The following KIAA0825 variants were observed in gnomAD, a reference collection of about 807,000 sequenced individuals.
The protein encoded by KIAA0825 is KIAA0825.
Under a neutral mutation model 147.6 loss-of-function variants are expected in KIAA0825, and 119 were observed. That is an observed-to-expected ratio of 0.81 (90% confidence interval 0.69 to 0.94). The LOEUF (loss-of-function observed/expected upper bound fraction) is 0.94, where lower values mean the gene tolerates loss of function less well. KIAA0825 is among the 40% of genes least tolerant of loss of function. The pLI, the probability that KIAA0825 is intolerant of heterozygous loss-of-function variation, is 0.00. For synonymous variants in KIAA0825, 470 were observed against 518.1 expected (o/e 0.91, Z 1.26); for missense variants, 1,381 against 1,472.7 (o/e 0.94, Z 1.02).
intron 20 of KIAA0825, among the ~76,000 whole-genome samples, chr5:94,355,507 G>A (rs1490246120): frequency 6.6e-6 from 1 of 152,090 alleles, no homozygotes; most frequent in Non-Finnish European, 1.5e-5. Context: ...TGGTTTGCAG[G>A]CCATGATTCC....
chr5:94,560,472 A>G (rs1777351282), intron 2 of KIAA0825, among the ~76,000 whole-genome samples: 1 of 152,210 alleles, frequency 6.6e-6, no homozygotes, highest in Non-Finnish European at 1.5e-5. Context: ...GCAAACTATG[A>G]CATGGCTTGC....
chr5:94,495,922 G>C (rs1485019044), intron 5 of KIAA0825, among the ~76,000 whole-genome samples: 1 of 152,140 alleles, frequency 6.6e-6, no homozygotes, highest in East Asian at 1.9e-4. Flanking sequence ...AGACTTATTT[G>C]ATTTTTATAT....
chr5:94,417,360 C>T lies in KIAA0825; in HGVS notation c.2503G>A (p.Val835Ile), dbSNP rs1452242444. 1.3e-6 allele frequency: 2 copies of T among 1,542,572 alleles called. No individual in the cohort carries two copies. The highest frequency in any genetic ancestry group is 3.9e-5 in the Admixed American group (2 of 50,718). The change falls in exon 15 of 21, where the codon GTT becomes ATT. Residue 835 changes from valine (V) to isoleucine (I), a missense_variant. Val to Ile is a conservative substitution (Grantham distance 29). Coordinates refer to ENST00000682413, the MANE Select transcript of KIAA0825 (RefSeq NM_001145678.3). Reference sequence around the variant, plus strand: ...TTCAGGTTATTTTCTGTGTCGGAAACTTGTTCTTGAAAGGTACGTTCTTGA... The same window carrying T: ...TTCAGGTTATTTTCTGTGTCGGAAATTTGTTCTTGAAAGGTACGTTCTTGA... Reference protein sequence around the residue: ...LRILLKSSKQVSDTENNLNQG... With the variant: ...LRILLKSSKQISDTENNLNQG...
chr5:94,377,012 A>G (rs1303779517), intron 20 of KIAA0825, among the ~76,000 whole-genome samples: 1 of 151,724 alleles, frequency 6.6e-6, no homozygotes, highest in African/African-American at 2.4e-5. Context: ...CAGAGACAAT[A>G]TTTTCTGCCC....
chr5:94,363,725 A>G (rs1176238912), intron 20 of KIAA0825, among the ~76,000 whole-genome samples: 1 of 152,046 alleles, frequency 6.6e-6, no homozygotes, highest in East Asian at 1.9e-4. Flanking sequence ...AAAACTAACC[A>G]GGCATGGTGG....
At chr5:94,237,043 A>ATG (rs36021428) in intron 20 of KIAA0825, among the ~76,000 whole-genome samples, 23,582 of 147,432 alleles carry the variant, frequency 0.16, 1,928 homozygotes, top group Non-Finnish European at 0.2. Context: ...AATAGGCTAT[A>ATG]TGTGTGTGTG....
At chr5:94,603,312 A>G (rs1170299778) in intron 1 of KIAA0825, among the ~76,000 whole-genome samples, 4 of 152,192 alleles carry the variant, frequency 2.6e-5, no homozygotes, top group South Asian at 2.1e-4. Flanking sequence ...AGAATTTTGT[A>G]TCCGGCCAAA....
chr5:94,417,214 T>C lies in KIAA0825; in HGVS notation c.2649A>G (p.Leu883=), dbSNP rs374504963. The C allele has an allele frequency of 1.7e-4, 271 of 1,550,810 alleles. 1 individual carries two copies. Among genetic ancestry groups the C allele is most frequent in the Middle Eastern group, 1.5e-3 (9 of 5,978 alleles). The stretch of plus-strand genomic sequence containing the variant: ...AATGTCTCATACCTGGGATGTTATA[T>C]AAAAAGTCCCATAATTGCTCTTCTT... ...YMEEEQLWDF[L]YNIPVSTCVE... is the part of the protein sequence containing the mutation. Residue 883 remains leucine, a synonymous_variant, in exon 15 of 21, where the codon TTA becomes TTG. Coordinates refer to ENST00000682413, the MANE Select transcript of KIAA0825 (RefSeq NM_001145678.3).
intron 1 of KIAA0825, among the ~76,000 whole-genome samples, chr5:94,605,116 A>G (rs2132547): frequency 0.36 from 54,310 of 151,970 alleles, 10,400 homozygotes; most frequent in African/African-American, 0.46. Context: ...AAAAACAACC[A>G]TCAGAGAATA....
chr5:94,529,508 G>C (rs1225566919), intron 3 of KIAA0825, among the ~76,000 whole-genome samples: 1 of 150,522 alleles, frequency 6.6e-6, no homozygotes, highest in East Asian at 1.9e-4. Flanking sequence ...TCTGACCACA[G>C]AATGTACATA....
chr5:94,540,002 A>AC (rs1772962136), intron 2 of KIAA0825, among the ~76,000 whole-genome samples: 1 of 152,086 alleles, frequency 6.6e-6, no homozygotes, highest in Non-Finnish European at 1.5e-5. Flanking sequence ...AGCTGATGGA[A>AC]CTGCTGGAAA....
intron 1 of KIAA0825, chr5:94,593,254 G>C (rs145121896): frequency 1.3e-6 from 1 of 764,438 alleles, no homozygotes; most frequent in African/African-American, 1.7e-5. Context: ...CTCTTGCTTA[G>C]CAGATCAGCA....
chr5:94,315,312 GCTTT>G (rs1435873556), intron 20 of KIAA0825, among the ~76,000 whole-genome samples: 2 of 151,560 alleles, frequency 1.3e-5, no homozygotes, highest in Non-Finnish European at 3.0e-5. Context: ...TAATGATAGC[GCTTT>G]CTATCTGCTG....
intron 1 of KIAA0825, among the ~76,000 whole-genome samples, chr5:94,590,585 A>G (rs1344606054): frequency 6.6e-6 from 1 of 152,232 alleles, no homozygotes; most frequent in Non-Finnish European, 1.5e-5. Flanking sequence ...CAAATCACCT[A>G]TACCCCATAG....
chr5:94,573,119 TG>T (rs1410819400), intron 2 of KIAA0825, among the ~76,000 whole-genome samples: 1 of 19,196 alleles, frequency 5.2e-5, no homozygotes, highest in Non-Finnish European at 9.5e-5. Context: ...ACTCAAAGCT[TG>T]GGGGGGTTGG....
rs76070514 is a variant in KIAA0825 at position 94,194,541 on chromosome 5, G to A, written c.3711-40417C>T. ...TCAAATTCTAGAAATCCAAAGTGGA[G>A]TGAATATTCCACCTCCAAGCCAACG... On this transcript the variant is annotated intron_variant, in intron 20 of 20. Transcript: ENST00000682413. Among the ~76,000 whole-genome samples, 420 of 152,284 alleles carry A rather than the reference G, an allele frequency of 2.8e-3. 19 individuals carry two copies. In the East Asian group the frequency reaches 0.066, roughly 24 times the overall value.
chr5:94,233,823 G>A (rs1419924826), intron 20 of KIAA0825, among the ~76,000 whole-genome samples: 1 of 152,168 alleles, frequency 6.6e-6, no homozygotes, highest in Non-Finnish European at 1.5e-5. Flanking sequence ...GTAACTTATG[G>A]CTCAGTGATT....
At chr5:94,494,037 T>G in intron 5 of KIAA0825, among the ~76,000 whole-genome samples, 1 of 152,280 alleles carries the variant, frequency 6.6e-6, no homozygotes, top group Middle Eastern at 3.4e-3. Context: ...CCTAAGTGGC[T>G]AAAAAGGGTG....
At chr5:94,393,761 T>G (rs1750228734) in intron 17 of KIAA0825, among the ~76,000 whole-genome samples, 1 of 152,180 alleles carries the variant, frequency 6.6e-6, no homozygotes, top group Admixed American at 6.5e-5. Context: ...ATGAGTAAAA[T>G]GACCACTGAT....
Sources: allele counts gnomAD v4.1 joint callset (sites outside exome capture counted in the v4.1 genomes callset), GRCh38; gene constraint gnomAD v4.1.1; transcripts MANE v1.5; gene names NCBI Gene and HGNC (gene_info 2026-07-23, HGNC 2026-07-21).